The following DLG5 variants were observed in gnomAD, a reference collection of about 807,000 sequenced individuals.
DLG5 encodes the protein disks large homolog 5.
Under a neutral mutation model 189.8 loss-of-function variants are expected in DLG5, and 48 were observed. That is an observed-to-expected ratio of 0.25 (90% confidence interval 0.20 to 0.32). The LOEUF (loss-of-function observed/expected upper bound fraction) is 0.32, where lower values mean the gene tolerates loss of function less well. DLG5 is among the 10% of genes least tolerant of loss of function. The probability of loss-of-function intolerance (pLI) is 1.00; values close to 1 mark genes in which losing one functional copy is unlikely to be tolerated. For missense variants in DLG5, 2,160 were observed against 2,544.7 expected (o/e 0.85, Z 3.25); for synonymous variants, 1,016 against 1,054.1 (o/e 0.96, Z 0.70).
At chr10:77,848,780 A>G (rs1843817234) in intron 5 of DLG5, among the ~76,000 whole-genome samples, 1 of 152,206 alleles carries the variant, frequency 6.6e-6, no homozygotes, top group Non-Finnish European at 1.5e-5. Flanking sequence ...TAAAAAAAAA[A>G]TCTACAAGGA....
intron 1 of DLG5, among the ~76,000 whole-genome samples, chr10:77,895,309 C>T (rs1411302962): frequency 6.6e-6 from 1 of 152,180 alleles, no homozygotes; most frequent in East Asian, 1.9e-4. Context: ...GTGCTTTGGT[C>T]TGCAGTGACC....
chr10:77,917,842 C>T (rs1024271940), intron 1 of DLG5, among the ~76,000 whole-genome samples: 8 of 151,574 alleles, frequency 5.3e-5, no homozygotes, highest in Non-Finnish European at 8.8e-5. Flanking sequence ...GCCTGGCCAA[C>T]GTGGTGAAAC....
intron 2 of DLG5, among the ~76,000 whole-genome samples, chr10:77,866,255 C>T (rs898370899): frequency 2.0e-5 from 3 of 152,216 alleles, no homozygotes; most frequent in African/African-American, 7.2e-5. Context: ...TTCTGGTTCC[C>T]TTCTCAGGGA....
chr10:77,880,348 G>C (rs1845240323), intron 1 of DLG5, among the ~76,000 whole-genome samples: 1 of 152,206 alleles, frequency 6.6e-6, no homozygotes, highest in African/African-American at 2.4e-5. Context: ...CAGCTACTCA[G>C]GAGGCTGGGG....
upstream of DLG5, chr10:77,926,869 C>T (rs1281437937): frequency 3.2e-6 from 1 of 312,470 alleles, no homozygotes; most frequent in South Asian, 2.3e-5. This position sits in a 1 kb window ranked among gnomAD's most constrained non-coding sequence, Gnocchi z 5.2. Context: ...TCCCCCTCAG[C>T]CTCCGCGCGC....
At chr10:77,829,685 T>C (rs913338991) in intron 11 of DLG5, among the ~76,000 whole-genome samples, 155 bp from the exon 12 acceptor site, 8 of 152,070 alleles carry the variant, frequency 5.3e-5, no homozygotes, top group African/African-American at 1.9e-4. Context: ...AGTGGTGAAA[T>C]TTGCAAATGC....
intron 1 of DLG5, among the ~76,000 whole-genome samples, chr10:77,905,369 C>T (rs1846044645): frequency 6.6e-6 from 1 of 152,278 alleles, no homozygotes; most frequent in Middle Eastern, 3.4e-3. Flanking sequence ...TTTTCCTAGA[C>T]CATTCATACT....
intron 1 of DLG5, among the ~76,000 whole-genome samples, chr10:77,912,004 G>C (rs922194534): frequency 6.6e-6 from 1 of 150,940 alleles, no homozygotes; most frequent in Admixed American, 6.6e-5. Context: ...TTCAAGACCA[G>C]CCTGGGCAAC....
intron 5 of DLG5, among the ~76,000 whole-genome samples, chr10:77,851,590 C>CAACTTT (rs1211957789): frequency 6.6e-6 from 1 of 152,220 alleles, no homozygotes; most frequent in East Asian, 1.9e-4. Flanking sequence ...GCCACTGGGC[C>CAACTTT]TGACCTCACA....
At chr10:77,881,720 T>C (rs941497097) in intron 1 of DLG5, among the ~76,000 whole-genome samples, 7 of 152,146 alleles carry the variant, frequency 4.6e-5, no homozygotes, top group African/African-American at 1.7e-4. Context: ...TGTAAAGGTG[T>C]CCCTCCCCCA....
chr10:77,892,201 T>C (rs1048378577), intron 1 of DLG5, among the ~76,000 whole-genome samples: 16 of 152,324 alleles, frequency 1.1e-4, no homozygotes, highest in African/African-American at 3.4e-4. Context: ...GTAGCACATC[T>C]GACACGTGCC....
At chr10:77,894,419 C>A (rs1041457946) in intron 1 of DLG5, among the ~76,000 whole-genome samples, 2 of 151,812 alleles carry the variant, frequency 1.3e-5, no homozygotes, top group Non-Finnish European at 2.9e-5. Context: ...AAGAAAAGTT[C>A]TATTTTTCCC....
intron 13 of DLG5, among the ~76,000 whole-genome samples, chr10:77,825,125 A>G (rs1381297473): frequency 6.6e-6 from 1 of 152,190 alleles, no homozygotes; most frequent in South Asian, 2.1e-4. Context: ...TCTTGCAGGC[A>G]TGGTGCGGAA....
In DLG5 at chr10:77,791,859, AGTCTGAGCACCT is replaced by A. The variant is rs1331684358; in HGVS notation, c.*569_*580del. Reference sequence around the variant, plus strand: ...AGGCACTGGTTCTGCTGCCACAGGCAGTCTGAGCACCTGGAGTTGTGACGTCCTTCCAGGAGA... The same window carrying A: ...AGGCACTGGTTCTGCTGCCACAGGCAGGAGTTGTGACGTCCTTCCAGGAGA... On this transcript the variant is annotated 3_prime_UTR_variant, in exon 32 of 32. Transcript: ENST00000372391. The A allele has an allele frequency of 1.9e-5, 3 of 153,886 alleles. No homozygotes were observed. The highest frequency in any genetic ancestry group is 7.2e-5 in the African/African-American group (3 of 41,516). The allele number at this position is 153,886 out of a possible 1,614,324, so 9.5% of individuals were successfully genotyped here. A position where few individuals can be genotyped will look rare whatever the true frequency, so the allele number is the denominator to read the frequency against.
Position 77,805,873 on chromosome 10 carries a change from G to A in DLG5, c.4968-12C>T. On this transcript the variant is annotated splice_polypyrimidine_tract_variant and intron_variant, in intron 26 of 31. Coordinates refer to ENST00000372391, the MANE Select transcript of DLG5 (RefSeq NM_004747.4). ...ATTCTTGGTCCATCCTGTGGCACAG[G>A]GGACAATGCTGGGCAGGGCCATCGA... 6.2e-7 allele frequency: 1 copy of A among 1,606,784 alleles called. No homozygotes were observed. The highest frequency in any genetic ancestry group is 8.5e-7 in the Non-Finnish European group (1 of 1,174,458).
chr10:77,857,092 C>T (rs1844272250), intron 2 of DLG5, among the ~76,000 whole-genome samples, 200 bp from the exon 3 acceptor site: 1 of 152,116 alleles, frequency 6.6e-6, no homozygotes, highest in African/African-American at 2.4e-5. Flanking sequence ...GCATCTGGCT[C>T]CAGCATCCAA....
In DLG5 at chr10:77,837,765, G is replaced by A. The variant is rs534033943; in HGVS notation, c.1438-1843C>T. Among the ~76,000 whole-genome samples the A allele has an allele frequency of 2.4e-4, 37 of 152,292 alleles. No homozygotes were observed. In the South Asian group the frequency reaches 6.8e-3, roughly 28 times the overall value. On this transcript the variant is annotated intron_variant, in intron 7 of 31. Coordinates refer to ENST00000372391, the MANE Select transcript of DLG5 (RefSeq NM_004747.4). ...TGGCTCCTCTACCCCAGGCTGCCTC[G>A]GCATCAGATGTCAGTCTGAGTCTGC...
rs183097550 is a variant in DLG5, at chr10:77,791,599, G to A, written c.*841C>T. 63 of 152,336 alleles carry A rather than the reference G, an allele frequency of 4.1e-4. No homozygotes were observed. Among genetic ancestry groups the A allele is most frequent in the African/African-American group, 1.5e-3 (63 of 41,568 alleles). 9.4% of individuals were successfully genotyped at this position (152,336 alleles called of 1,614,324 possible). A position where few individuals can be genotyped will look rare whatever the true frequency, so the allele number is the denominator to read the frequency against. On this transcript the variant is annotated 3_prime_UTR_variant, in exon 32 of 32. Transcript: ENST00000372391. ...TGCAAACATTGCACTGATGAAGGCT[G>A]TCACGACTTACAGAGCCTAAGGAGG...
chr10:77,800,842 G>C (rs559741309), intron 27 of DLG5, among the ~76,000 whole-genome samples: 1 of 152,156 alleles, frequency 6.6e-6, no homozygotes, highest in Non-Finnish European at 1.5e-5. Flanking sequence ...GGAAGTCAAG[G>C]CTCCCTAGGG....
Sources: gnomAD v4.1 joint callset for allele counts (sites outside exome capture counted in the v4.1 genomes callset) on GRCh38, gnomAD v4.1.1 for gene constraint, Gnocchi (gnomAD v3.1) non-coding constraint, MANE v1.5 for transcripts, NCBI Gene and HGNC (gene_info 2026-07-23, HGNC 2026-07-21) for gene names.